The following MOSPD2 variants were observed in gnomAD, a reference collection of about 807,000 sequenced individuals.
MOSPD2 encodes motile sperm domain containing 2.
In MOSPD2, 5 loss-of-function variants were observed where a neutral mutation model predicts 41.7. That is an observed-to-expected ratio of 0.12 (90% CI 0.06 to 0.25). MOSPD2 has a LOEUF of 0.25. MOSPD2 is among the 10% of genes least tolerant of loss of function. The pLI is 1.00. For synonymous variants in MOSPD2, 115 were observed against 126.9 expected (o/e 0.91, Z 0.63); for missense variants, 282 against 375.2 (o/e 0.75, Z 2.05).
rs775823138 is a variant in MOSPD2, at chrX:14,920,492, C to G, written c.*683C>G. 1.3e-6 allele frequency: 1 copy of G among 745,116 alleles called. No individual in the cohort carries two copies. Among genetic ancestry groups the G allele is most frequent in the Non-Finnish European group, 1.6e-6 (1 of 638,264 alleles). The allele number at this position is 745,116 out of a possible 1,213,427, so 61.4% of individuals were successfully genotyped here. A position where few individuals can be genotyped will look rare whatever the true frequency, so the allele number is the denominator to read the frequency against. ...TTTCAGTAGAATTTGGAAAACTAAG[C>G]GTGGTTGGAATTTCTTTGAATTCTG... On this transcript the variant is annotated 3_prime_UTR_variant, in exon 15 of 15. Coordinates refer to ENST00000380492, the MANE Select transcript of MOSPD2 (RefSeq NM_152581.4).
intron 5 of MOSPD2, among the ~76,000 whole-genome samples, chrX:14,898,408 C>CAAAT (rs1169438930): frequency 5.4e-5 from 6 of 110,770 alleles, no homozygotes; most frequent in African/African-American, 9.9e-5. Flanking sequence ...GTAGACATAA[C>CAAAT]ACAAAACCAG....
chrX:14,900,311 G>C (rs1260751535), intron 5 of MOSPD2, among the ~76,000 whole-genome samples: 1 of 111,641 alleles, frequency 9.0e-6, no homozygotes. Context: ...AGCCTGAAGT[G>C]TGTAACTAGT....
chrX:14,914,422 A>C, intron 10 of MOSPD2, 81 bp from the exon 11 acceptor site: 1 of 604,017 alleles, frequency 1.7e-6, no homozygotes, highest in Non-Finnish European at 2.7e-6. Flanking sequence ...ATATTAACTA[A>C]ATATTTTTCT....
chrX:14,893,698 C>T (rs899870675), intron 3 of MOSPD2, among the ~76,000 whole-genome samples: 2 of 112,523 alleles, frequency 1.8e-5, no homozygotes, highest in African/African-American at 6.5e-5. Context: ...AGATACTCTC[C>T]TCACTCTTCA....
chrX:14,895,653 G>C (rs748519709), intron 4 of MOSPD2, among the ~76,000 whole-genome samples: 67 of 111,897 alleles, frequency 6.0e-4, no homozygotes, highest in Non-Finnish European at 8.5e-4. Flanking sequence ...ATTTAATTCA[G>C]AGTCATTATC....
chrX:14,919,092 TCTATAGTC>T (rs1247187064), intron 14 of MOSPD2, among the ~76,000 whole-genome samples: 1 of 110,948 alleles, frequency 9.0e-6, no homozygotes, highest in East Asian at 2.8e-4. Context: ...GTGGCACACA[TCTATAGTC>T]CCAGCTGAGG....
chrX:14,903,665 T>A (rs1254985144), intron 7 of MOSPD2, among the ~76,000 whole-genome samples: 1 of 112,581 alleles, frequency 8.9e-6, no homozygotes, highest in Non-Finnish European at 1.9e-5. Context: ...ATGTACATTC[T>A]CATTTGTGTT....
chrX:14,885,951 T>A (rs1163742881), intron 2 of MOSPD2, among the ~76,000 whole-genome samples: 1 of 111,898 alleles, frequency 8.9e-6, no homozygotes, highest in East Asian at 2.8e-4. Context: ...GATAGACTTG[T>A]ACATGGCTAA....
Position 14,920,100 on chromosome X carries a change from A to C in MOSPD2, c.*291A>C. 1.4e-6 allele frequency: 1 copy of C among 737,619 alleles called. No individual in the cohort carries two copies. Among genetic ancestry groups the C allele is most frequent in the South Asian group, 7.1e-5 (1 of 14,175 alleles). The allele number at this position is 737,619 out of a possible 1,213,427, so 60.8% of individuals were successfully genotyped here. A position where few individuals can be genotyped will look rare whatever the true frequency, so the allele number is the denominator to read the frequency against. On this transcript the variant is annotated 3_prime_UTR_variant, in exon 15 of 15. Transcript: ENST00000380492. ...AATTTATTTTTTCCTTTTGATCTGA[A>C]TACTTTTAAAGCTTAAGTTTTATCG...
At chrX:14,906,955 C>G (rs957750476) in intron 7 of MOSPD2, among the ~76,000 whole-genome samples, 1 of 111,679 alleles carries the variant, frequency 9.0e-6, no homozygotes, top group African/African-American at 3.3e-5. Context: ...ACCCAGGAGG[C>G]AGAGGTTGCA....
At chrX:14,915,346 G>A (rs1358375921) in intron 11 of MOSPD2, 2 of 113,215 alleles carry the variant, frequency 1.8e-5, no homozygotes, top group Non-Finnish European at 3.6e-5. Flanking sequence ...TCCTGTTAGT[G>A]GGGAAAAAAT....
At chrX:14,912,012 T>A (rs776756414) in intron 9 of MOSPD2, among the ~76,000 whole-genome samples, 6 of 112,544 alleles carry the variant, frequency 5.3e-5, no homozygotes, top group Admixed American at 2.8e-4. Context: ...TTGATTTAGT[T>A]CCTTTCTCTA....
chrX:14,889,803 G>C (rs1393578170), intron 2 of MOSPD2, among the ~76,000 whole-genome samples: 1 of 111,606 alleles, frequency 9.0e-6, no homozygotes, highest in Non-Finnish European at 1.9e-5. Flanking sequence ...AAAGAGCCGT[G>C]GGCTTTAAAT....
Position 14,900,517 on chromosome X carries a change from A to G in MOSPD2, c.478-58A>G, listed in dbSNP as rs2092571150. 8.9e-6 allele frequency: 5 copies of G among 558,881 alleles called. No homozygotes were observed. The South Asian group carries it at 1.9e-4, about 22-fold the overall frequency. 46.1% of individuals were successfully genotyped at this position (558,881 alleles called of 1,213,427 possible). ...ATTTAATAATTTATCACCTTTAGAA[A>G]TGTGCAATTTTAAGTTCTCTAATGT... On this transcript the variant is annotated intron_variant, in intron 5 of 14. Transcript: ENST00000380492.
At chrX:14,899,027 C>G (rs1420815302) in intron 5 of MOSPD2, among the ~76,000 whole-genome samples, 1 of 109,128 alleles carries the variant, frequency 9.2e-6, no homozygotes, top group Non-Finnish European at 1.9e-5. Flanking sequence ...TTTCAGCTGC[C>G]TGCCTGAAAG....
At chrX:14,916,779 ATATT>A (rs887819827) in intron 13 of MOSPD2, among the ~76,000 whole-genome samples, 1 of 112,361 alleles carries the variant, frequency 8.9e-6, no homozygotes, top group Non-Finnish European at 1.9e-5. Context: ...CATCTGTGAT[ATATT>A]TTAGAAAACA....
chrX:14,917,899 T>C (rs2092603007), intron 13 of MOSPD2, among the ~76,000 whole-genome samples: 1 of 111,776 alleles, frequency 8.9e-6, no homozygotes, highest in Non-Finnish European at 1.9e-5. Flanking sequence ...AAATAGATTA[T>C]GAACAGTGAA....
Position 14,921,283 on chromosome X carries a change from A to G in MOSPD2, c.*1474A>G. 1 of 932,517 alleles carries G rather than the reference A, an allele frequency of 1.1e-6. No individual in the cohort carries two copies. 76.8% of individuals were successfully genotyped at this position (932,517 alleles called of 1,213,427 possible). A position where few individuals can be genotyped will look rare whatever the true frequency, so the allele number is the denominator to read the frequency against. On this transcript the variant is annotated 3_prime_UTR_variant, in exon 15 of 15. Transcript: ENST00000380492. ...TTGATTCCAAAACTGAGTTATGAAG[A>G]ATGATATAACAGTTCCTTCAAAATT...
Position 14,908,921 on chromosome X carries a change from A to C in MOSPD2, c.639A>C (p.Thr213=), listed in dbSNP as rs1185580600. The C allele has an allele frequency of 8.4e-7, 1 of 1,196,263 alleles. No homozygotes were observed. The highest frequency in any genetic ancestry group is 1.1e-6 in the Non-Finnish European group (1 of 885,292). The part of the protein sequence containing the change: ...GPEAVSLLKF[T]SKNEVQDYVS... ...AAGCAGTGAGCTTGTTGAAGTTTAC[A>C]AGCAAAAATGAAGTCCAGGACTATG... The change falls in exon 8 of 15, where the codon ACA becomes ACC. Residue 213 remains threonine, a synonymous_variant. Coordinates refer to ENST00000380492, the MANE Select transcript of MOSPD2 (RefSeq NM_152581.4).
Sources: allele counts gnomAD v4.1 joint callset (sites outside exome capture counted in the v4.1 genomes callset), GRCh38; gene constraint gnomAD v4.1.1; transcripts MANE v1.5; gene names NCBI Gene and HGNC (gene_info 2026-07-23, HGNC 2026-07-21).